Variants in LYZ observed in about 807,000 individuals in gnomAD.
The protein encoded by LYZ is lysozyme, also known as lysozyme C.
In LYZ, 18 loss-of-function variants were observed where a neutral mutation model predicts 15.8. The ratio of observed to expected loss-of-function variants is 1.14; its 90% CI spans 0.79 to 1.69. LYZ has a LOEUF of 1.69. Ranked by LOEUF, LYZ falls within the 40% of genes most tolerant of loss-of-function variation. The probability of loss-of-function intolerance (pLI) is 0.00; values close to 1 mark genes in which losing one functional copy is unlikely to be tolerated. For synonymous variants in LYZ, 60 were observed against 61.7 expected (o/e 0.97, Z 0.13); for missense variants, 139 against 182.8 (o/e 0.76, Z 1.38).
intron 1 of LYZ, among the ~76,000 whole-genome samples, chr12:69,348,908 T>C (rs1182302129): frequency 6.6e-6 from 1 of 152,202 alleles, no homozygotes; most frequent in African/African-American, 2.4e-5. Flanking sequence ...TATTTCCCAT[T>C]TTGAACTTGG....
intron 2 of LYZ, among the ~76,000 whole-genome samples, chr12:69,351,808 T>C (rs972560460): frequency 1.3e-5 from 2 of 152,234 alleles, no homozygotes; most frequent in African/African-American, 2.4e-5. Context: ...ATTGTTACTA[T>C]TGAGCACTTA....
chr12:69,352,093 A>G, intron 2 of LYZ, 127 bp from the exon 3 acceptor site: 2 of 646,346 alleles, frequency 3.1e-6, no homozygotes, highest in East Asian at 5.7e-5. Flanking sequence ...ACAATTACAC[A>G]TATATGGACT....
chr12:69,353,431 G>C lies in LYZ; in HGVS notation c.*212G>C. 2 of 599,654 alleles carry C rather than the reference G, an allele frequency of 3.3e-6. No individual in the cohort carries two copies. The highest frequency in any genetic ancestry group is 2.9e-5 in the East Asian group (1 of 33,922). 37.1% of individuals were successfully genotyped at this position (599,654 alleles called of 1,614,324 possible). ...TACAACATTTTTCAGTTTGCAAATA[G>C]AACTAATACTGGTGAAAATTTACCT... On this transcript the variant is annotated 3_prime_UTR_variant, in exon 4 of 4. Transcript: ENST00000261267.
At chr12:69,349,241 G>A (rs1874789496) in intron 1 of LYZ, among the ~76,000 whole-genome samples, 1 of 152,112 alleles carries the variant, frequency 6.6e-6, no homozygotes, top group Non-Finnish European at 1.5e-5. Context: ...GGCCTCAAAT[G>A]ATCTGCCCAC....
At chr12:69,352,341 G>C (rs779554998) in intron 3 of LYZ, 43 bp downstream of exon 3, 2 of 1,464,820 alleles carry the variant, frequency 1.4e-6, no homozygotes, top group Non-Finnish European at 1.9e-6. Context: ...TTACTCTACT[G>C]TTGATATATA....
At chr12:69,352,518 A>G (rs1356170815) in intron 3 of LYZ, among the ~76,000 whole-genome samples, 1 of 152,234 alleles carries the variant, frequency 6.6e-6, no homozygotes, top group Non-Finnish European at 1.5e-5. Flanking sequence ...GGGGATTTCT[A>G]GAGTTTTAAG....
intron 1 of LYZ, 29 bp downstream of exon 1, chr12:69,348,573 A>T: frequency 6.2e-7 from 1 of 1,613,720 alleles, no homozygotes; most frequent in Non-Finnish European, 8.5e-7. Context: ...ATTCCAGAGA[A>T]TTAGCTACGT....
At position 69,350,252 on chromosome 12, in the gene LYZ, C is replaced by G. The variant is rs765231566; in HGVS notation, c.281C>G (p.Ala94Gly). Residue 94 changes from alanine to glycine, a missense_variant, in exon 2 of 4, where the codon GCC becomes GGC. Coordinates refer to ENST00000261267, the MANE Select transcript of LYZ (RefSeq NM_000239.3). ...GGCAAAACCCCAGGAGCAGTTAATG[C>G]CTGTCATTTATCCTGCAGTGGTAAG... ...NDGKTPGAVN[A>G]CHLSCSALLQ... 2.5e-6 allele frequency: 4 copies of G among 1,614,048 alleles called. No homozygotes were observed. The highest frequency in any genetic ancestry group is 1.6e-4 in the Middle Eastern group (1 of 6,062).
chr12:69,350,079 G>C, intron 1 of LYZ, 29 bp from the exon 2 acceptor site: 1 of 1,608,896 alleles, frequency 6.2e-7, no homozygotes, highest in African/African-American at 1.3e-5. Context: ...TAGTGTTGCT[G>C]TTTATTACTA....
rs1874774936 is a variant in LYZ, at chr12:69,348,535, C to A, written c.127C>A (p.Leu43Ile). The change falls in exon 1 of 4, where the codon CTA (leucine) becomes ATA (isoleucine). Residue 43 changes from leucine to isoleucine, a missense_variant. Leu to Ile is a conservative substitution (Grantham distance 5). Coordinates refer to ENST00000261267, the MANE Select transcript of LYZ (RefSeq NM_000239.3). ...AATGGATGGCTACAGGGGAATCAGCCTAGCAAACTGTAAGTCTACTCTCCA... is the reference window on the plus strand; with the variant it reads ...AATGGATGGCTACAGGGGAATCAGCATAGCAAACTGTAAGTCTACTCTCCA... ...LGMDGYRGIS[L>I]ANWMCLAKWE... 1 of 1,614,166 alleles carries A rather than the reference C, an allele frequency of 6.2e-7. No homozygotes were observed.
chr12:69,352,374 A>G, intron 3 of LYZ, 76 bp downstream of exon 3: 1 of 1,182,992 alleles, frequency 8.5e-7, no homozygotes, highest in South Asian at 1.3e-5. Flanking sequence ...ACTTTTAAAG[A>G]CCAAAGTATG....
chr12:69,349,655 G>T (rs1874797365), intron 1 of LYZ, among the ~76,000 whole-genome samples: 1 of 152,124 alleles, frequency 6.6e-6, no homozygotes, highest in Non-Finnish European at 1.5e-5. Context: ...ATTCTAACTT[G>T]ATATCCAAAT....
chr12:69,353,375 G>A lies in LYZ; in HGVS notation c.*156G>A. 1 of 706,124 alleles carries A rather than the reference G, an allele frequency of 1.4e-6. No homozygotes were observed. Among genetic ancestry groups the A allele is most frequent in the Middle Eastern group, 2.6e-4 (1 of 3,802 alleles). The allele number at this position is 706,124 out of a possible 1,614,324, so 43.7% of individuals were successfully genotyped here. On this transcript the variant is annotated 3_prime_UTR_variant, in exon 4 of 4. Coordinates refer to ENST00000261267, the MANE Select transcript of LYZ (RefSeq NM_000239.3). ...TGGCCTTTCTTCTAAGAGATATAAT[G>A]TTCACTAATGTGGTTATTTTACATT...
Position 69,353,894 on chromosome 12 carries a change from A to C in LYZ, c.*675A>C, listed in dbSNP as rs1295634181. On this transcript the variant is annotated 3_prime_UTR_variant, in exon 4 of 4. Transcript: ENST00000261267. ...GAAAAGGTTATCTTAAATAGATCTT[A>C]GGCAAAATACCAGCTGATGAAGGCA... 2.0e-5 allele frequency: 3 copies of C among 152,420 alleles called. No homozygotes were observed. Among genetic ancestry groups the C allele is most frequent in the South Asian group, 2.1e-4 (1 of 4,848 alleles). The allele number at this position is 152,420 out of a possible 1,614,324, so 9.4% of individuals were successfully genotyped here. A position where few individuals can be genotyped will look rare whatever the true frequency, so the allele number is the denominator to read the frequency against.
intron 2 of LYZ, among the ~76,000 whole-genome samples, chr12:69,351,581 T>C (rs1874844374): frequency 6.6e-6 from 1 of 152,092 alleles, no homozygotes; most frequent in Non-Finnish European, 1.5e-5. Context: ...AACATGTAAA[T>C]ACTGTGTGCT....
chr12:69,352,346 T>A (rs754903326), intron 3 of LYZ, 48 bp downstream of exon 3: 1 of 1,454,868 alleles, frequency 6.9e-7, no homozygotes, highest in Admixed American at 1.7e-5. Flanking sequence ...CTACTGTTGA[T>A]ATATACAATG....
At chr12:69,350,799 GT>G (rs1259766661) in intron 2 of LYZ, among the ~76,000 whole-genome samples, 5 of 14,576 alleles carry the variant, frequency 3.4e-4, no homozygotes, top group African/African-American at 7.6e-4. Flanking sequence ...GTTTTGTTTT[GT>G]TTTATTTTGA....
intron 3 of LYZ, among the ~76,000 whole-genome samples, chr12:69,352,657 T>G (rs1245360269): frequency 2.6e-5 from 4 of 152,184 alleles, no homozygotes; most frequent in African/African-American, 9.6e-5. Flanking sequence ...ATGGATCACC[T>G]GAGGTCAGGA....
chr12:69,348,415 G>A lies in LYZ; in HGVS notation c.7G>A (p.Ala3Thr). 6.2e-7 allele frequency: 1 copy of A among 1,614,132 alleles called. No individual in the cohort carries two copies. Residue 3 changes from alanine to threonine, a missense_variant, in exon 1 of 4, where the codon GCT becomes ACT. Ala to Thr is a moderately conservative substitution (Grantham distance 58, BLOSUM62 0). Transcript: ENST00000261267. ...CTCTGACCTAGCAGTCAACATGAAG[G>A]CTCTCATTGTTCTGGGGCTTGTCCT... MK[A>T]LIVLGLVLLS...
Sources: allele counts gnomAD v4.1 joint callset (sites outside exome capture counted in the v4.1 genomes callset), GRCh38; gene constraint gnomAD v4.1.1; transcripts MANE v1.5; gene names NCBI Gene and HGNC (gene_info 2026-07-23, HGNC 2026-07-21).